Variants in IFT172 observed in about 807,000 individuals in gnomAD.
The protein encoded by IFT172 is intraflagellar transport protein 172 homolog.
IFT172 carries 164 observed loss-of-function variants against 248.9 expected under a neutral mutation model. The ratio of observed to expected loss-of-function variants is 0.66; its 90% confidence interval spans 0.58 to 0.75. The LOEUF is 0.75. IFT172 is among the 30% of genes least tolerant of loss of function. The pLI is 0.00. For missense variants in IFT172, 1,950 were observed against 2,192.4 expected (o/e 0.89, Z 2.21); for synonymous variants, 729 against 791.6 (o/e 0.92, Z 1.33).
chr2:27,472,021 G>A (rs1313390640), intron 15 of IFT172: 10 of 575,728 alleles, frequency 1.7e-5, no homozygotes, highest in Non-Finnish European at 3.1e-5. Flanking sequence ...CTGGGTGACA[G>A]AGTGAGACAC....
chr2:27,480,302 AAGGTGCACAG>A (rs1668269650), intron 8 of IFT172, among the ~76,000 whole-genome samples, 153 bp from the exon 9 acceptor site: 1 of 152,174 alleles, frequency 6.6e-6, no homozygotes, highest in Non-Finnish European at 1.5e-5. Flanking sequence ...AGAGGATATA[AAGGTGCACAG>A]GAAATAAGCT....
rs776708575 is a variant in IFT172 at position 27,453,409 on chromosome 2, C to A, written c.3926G>T (p.Gly1309Val). Residue 1309 changes from glycine to valine, a missense_variant, in exon 35 of 48, where the codon GGC becomes GTC. Coordinates refer to ENST00000260570, the MANE Select transcript of IFT172 (RefSeq NM_015662.3). ...YLKVRDSGNSGLAEKCWMKAA... is the reference protein window; with the variant it reads ...YLKVRDSGNSVLAEKCWMKAA... ...CTTCATCCAGCACTTCTCCGCCAGG[C>A]CGCTGTTTCCAGAGTCTCGCACTTT... is the stretch of plus-strand genomic sequence containing the variant. 2.5e-6 allele frequency: 4 copies of A among 1,614,114 alleles called. No homozygotes were observed. Among genetic ancestry groups the A allele is most frequent in the African/African-American group, 1.3e-5 (1 of 74,932 alleles).
intron 1 of IFT172, among the ~76,000 whole-genome samples, chr2:27,486,949 CTTT>C (rs150387708): frequency 6.8e-6 from 1 of 146,090 alleles, no homozygotes. Flanking sequence ...TAATTTCCTT[CTTT>C]TTTTTTTTTT....
intron 47 of IFT172, 75 bp downstream of exon 47, chr2:27,444,939 G>A: frequency 1.3e-6 from 2 of 1,510,940 alleles, no homozygotes; most frequent in Admixed American, 3.8e-5. Flanking sequence ...ATGAGCCACT[G>A]CACCCAGACT....
chr2:27,465,809 G>T lies in IFT172; in HGVS notation c.1766C>A (p.Ala589Asp), dbSNP rs748040733. 12 of 1,613,980 alleles carry T rather than the reference G, an allele frequency of 7.4e-6. 1 individual carries two copies. The East Asian group carries it at 2.5e-4, about 33-fold the overall frequency. Reference protein sequence around the residue: ...VMVMEGVTTVAYTLDEGLIEF... With the variant: ...VMVMEGVTTVDYTLDEGLIEF... Reference sequence around the variant, plus strand: ...GATGAGGCCCTCATCCAATGTGTAGGCAACAGTAGTCACACCTTCCATCAC... The same window carrying T: ...GATGAGGCCCTCATCCAATGTGTAGTCAACAGTAGTCACACCTTCCATCAC... The change falls in exon 17 of 48, where the codon GCC becomes GAC. Residue 589 changes from alanine (A) to aspartate (D), a missense_variant. Transcript: ENST00000260570.
intron 35 of IFT172, among the ~76,000 whole-genome samples, chr2:27,452,027 T>C (rs116810458): frequency 2.2e-3 from 331 of 151,970 alleles, no homozygotes; most frequent in Non-Finnish European, 3.5e-3. Flanking sequence ...TAACTTTATG[T>C]ATCAATTTGG....
At chr2:27,472,750 C>T (rs1241658246) in intron 14 of IFT172, among the ~76,000 whole-genome samples, 1 of 152,194 alleles carries the variant, frequency 6.6e-6, no homozygotes, top group Non-Finnish European at 1.5e-5. Flanking sequence ...TGTGTAAGAG[C>T]ACTGCAAGGG....
At chr2:27,444,714 C>G (rs1664878284) in intron 47 of IFT172, among the ~76,000 whole-genome samples, 193 bp from the exon 48 acceptor site, 1 of 152,212 alleles carries the variant, frequency 6.6e-6, no homozygotes, top group Non-Finnish European at 1.5e-5. Flanking sequence ...GTGGCACAAT[C>G]TCAGCTCACT....
intron 2 of IFT172, 47 bp downstream of exon 2, chr2:27,485,313 G>C: frequency 1.2e-6 from 2 of 1,610,546 alleles, no homozygotes; most frequent in Non-Finnish European, 1.7e-6. Flanking sequence ...CAAGTTGTGA[G>C]ACCCCATCAA....
chr2:27,447,442 G>C (rs1368572906), intron 42 of IFT172, 73 bp downstream of exon 42: 3 of 1,556,872 alleles, frequency 1.9e-6, no homozygotes, highest in African/African-American at 1.4e-5. Flanking sequence ...TCCAGAACGT[G>C]AATCAATTCA....
chr2:27,474,531 T>C (rs1476601190), intron 14 of IFT172, among the ~76,000 whole-genome samples: 1 of 152,170 alleles, frequency 6.6e-6, no homozygotes, highest in Non-Finnish European at 1.5e-5. Flanking sequence ...ACTTAAAGCA[T>C]CATAAACTAT....
intron 30 of IFT172, chr2:27,455,571 C>A: frequency 4.8e-6 from 1 of 208,952 alleles, no homozygotes; most frequent in South Asian, 6.6e-5. Context: ...ATTAGCCGGG[C>A]GTGGTGGCGG....
intron 15 of IFT172, chr2:27,471,792 G>A: frequency 5.1e-6 from 1 of 196,480 alleles, no homozygotes; most frequent in Non-Finnish European, 1.0e-5. Context: ...CACTTTGAGA[G>A]GCAGAGGCAG....
intron 10 of IFT172, among the ~76,000 whole-genome samples, chr2:27,479,179 G>A (rs573611722): frequency 6.6e-6 from 1 of 152,154 alleles, no homozygotes; most frequent in Non-Finnish European, 1.5e-5. Context: ...TAATTTTTTT[G>A]TATTTTTAGT....
At chr2:27,483,754 C>A in intron 5 of IFT172, 95 bp from the exon 6 acceptor site, 2 of 1,457,770 alleles carry the variant, frequency 1.4e-6, no homozygotes, top group South Asian at 1.1e-5. Context: ...CAAAACTGGT[C>A]CCTATGCATT....
At chr2:27,447,063 G>C (rs1012329510) in intron 42 of IFT172, among the ~76,000 whole-genome samples, 2 of 151,004 alleles carry the variant, frequency 1.3e-5, no homozygotes, top group African/African-American at 4.9e-5. Context: ...GGCTGGTCTC[G>C]AACTCCTGGC....
chr2:27,449,913 C>A, intron 36 of IFT172, 85 bp downstream of exon 36: 2 of 1,416,758 alleles, frequency 1.4e-6, no homozygotes, highest in Non-Finnish European at 2.0e-6. Context: ...GGAGGCCCAC[C>A]TCACACACCT....
chr2:27,461,666 T>C, intron 21 of IFT172, 93 bp downstream of exon 21: 3 of 1,561,122 alleles, frequency 1.9e-6, no homozygotes, highest in South Asian at 1.1e-5. Flanking sequence ...GCCCCAACCC[T>C]GTTCTGGTTT....
chr2:27,468,559 C>A (rs1312162282), intron 16 of IFT172, among the ~76,000 whole-genome samples: 1 of 151,976 alleles, frequency 6.6e-6, no homozygotes. Context: ...TTAAAAGAAA[C>A]CAAAGAGAGG....
Sources: gnomAD v4.1 joint callset for allele counts (sites outside exome capture counted in the v4.1 genomes callset) on GRCh38, gnomAD v4.1.1 for gene constraint, MANE v1.5 for transcripts, NCBI Gene and HGNC (gene_info 2026-07-23, HGNC 2026-07-21) for gene names.